Variants in SBF1 observed in about 807,000 individuals in gnomAD.
SBF1 encodes SET binding factor 1.
A neutral mutation model predicts 215.8 loss-of-function variants in SBF1; 65 were observed. That is an observed-to-expected ratio of 0.30 (90% CI 0.25 to 0.37). The LOEUF (loss-of-function observed/expected upper bound fraction) is 0.37, where lower values mean the gene tolerates loss of function less well. Ranked by LOEUF, SBF1 falls within the 10% of genes least tolerant of loss-of-function variation. The pLI is 1.00. For synonymous variants in SBF1, 1,410 were observed against 1,122.8 expected (o/e 1.26, Z -5.11); for missense variants, 2,634 against 2,667.8 (o/e 0.99, Z 0.28).
Position 50,454,500 on chromosome 22 carries a change from G to A in SBF1, c.5043+12C>T, listed in dbSNP as rs760112794. 57 of 1,604,372 alleles carry A rather than the reference G, an allele frequency of 3.6e-5. 1 individual carries two copies. Among genetic ancestry groups the A allele is most frequent in the Non-Finnish European group, 4.3e-5 (51 of 1,177,646 alleles). On this transcript the variant is annotated intron_variant, in intron 36 of 40. Transcript: ENST00000380817. Reference sequence around the variant, plus strand: ...GGTGCCAGGCCAGACCCTGCTCTGGGATCACACGCACCTCCAGCAGGCGTG... The same window carrying A: ...GGTGCCAGGCCAGACCCTGCTCTGGAATCACACGCACCTCCAGCAGGCGTG...
intron 17 of SBF1, 60 bp from the exon 18 acceptor site, chr22:50,462,777 G>C (rs1040495785): frequency 3.7e-6 from 6 of 1,608,884 alleles, no homozygotes; most frequent in Admixed American, 3.4e-5. Context: ...CTGGGAAGGA[G>C]ACCTCGGCCA....
In SBF1 at chr22:50,467,836, G is replaced by A. The variant is rs1170579090; in HGVS notation, c.229C>T (p.Arg77Cys). The change falls in exon 3 of 41, where the codon CGC becomes TGC. Residue 77 changes from arginine to cysteine, a missense_variant. Arg to Cys is a radical substitution (Grantham distance 180). Coordinates refer to ENST00000380817, the MANE Select transcript of SBF1 (RefSeq NM_002972.4). ...VAVLTDINSE[R>C]HYCACLTFWE... ...AAGGTCAAGCAGGCGCAGTAGTGGC[G>A]CTCGGAGTTGATGTCGGTGAGGACA... The A allele has an allele frequency of 1.2e-6, 2 of 1,613,964 alleles. No homozygotes were observed. The highest frequency in any genetic ancestry group is 1.1e-5 in the South Asian group (1 of 91,068).
chr22:50,456,458 C>T (rs2067252157), intron 30 of SBF1, 34 bp downstream of exon 30: 4 of 1,440,172 alleles, frequency 2.8e-6, no homozygotes, highest in African/African-American at 1.9e-5. Flanking sequence ...GCCGAGCCCC[C>T]ACCCTCACCC....
chr22:50,460,422 G>C lies in SBF1; in HGVS notation c.3147-14C>G, dbSNP rs2067456208. The C allele has an allele frequency of 1.9e-6, 3 of 1,606,556 alleles. No individual in the cohort carries two copies. ...CGGGACAGGGTTCTGAGGCCCACGA[G>C]AGTCAGCAAAGGTGAGAGGAGGAGG... On this transcript the variant is annotated splice_polypyrimidine_tract_variant and intron_variant, in intron 24 of 40. Coordinates refer to ENST00000380817, the MANE Select transcript of SBF1 (RefSeq NM_002972.4).
intron 7 of SBF1, 37 bp from the exon 8 acceptor site, chr22:50,466,295 C>T (rs377448638): frequency 1.4e-4 from 227 of 1,611,366 alleles, no homozygotes; most frequent in Admixed American, 2.0e-4. Flanking sequence ...AGCCAGGGGA[C>T]GCGGCTGGGC....
chr22:50,457,020 G>C lies in SBF1; in HGVS notation c.3904+14C>G. On this transcript the variant is annotated intron_variant, in intron 29 of 40. Transcript: ENST00000380817. ...AGTAAGGGGAGGCGGGCCTGCGCAGGCTCGGTACGGTACCTCGGGGTGCGG... is the reference window on the plus strand; with the variant it reads ...AGTAAGGGGAGGCGGGCCTGCGCAGCCTCGGTACGGTACCTCGGGGTGCGG... The C allele has an allele frequency of 7.0e-7, 1 of 1,421,434 alleles. No homozygotes were observed. Among genetic ancestry groups the C allele is most frequent in the Admixed American group, 3.4e-5 (1 of 29,510 alleles). 88.1% of individuals were successfully genotyped at this position (1,421,434 alleles called of 1,614,324 possible).
rs1042112117 is a variant in SBF1 at position 50,450,534 on chromosome 22, C to A, written c.5044-1884G>T. ...AGACTCTGCCTCAAAAAAAAAAAAA[C>A]AAAACTATGAGCTGAACCCAAATTC... On this transcript the variant is annotated intron_variant, in intron 36 of 40. Coordinates refer to ENST00000380817, the MANE Select transcript of SBF1 (RefSeq NM_002972.4). Among the ~76,000 whole-genome samples the A allele has an allele frequency of 1.3e-3, 196 of 149,300 alleles. 1 individual carries two copies. The highest frequency in any genetic ancestry group is 3.9e-3 in the African/African-American group (157 of 40,472).
intron 36 of SBF1, among the ~76,000 whole-genome samples, chr22:50,451,399 G>GA (rs1409942461): frequency 6.6e-6 from 1 of 151,972 alleles, no homozygotes; most frequent in East Asian, 1.9e-4. Context: ...AAACAAGAAA[G>GA]AAAAGAGTAG....
chr22:50,460,997 G>A (rs1569511928), intron 23 of SBF1, among the ~76,000 whole-genome samples, 162 bp downstream of exon 23: 1 of 152,238 alleles, frequency 6.6e-6, no homozygotes. Context: ...ATCAAACAGT[G>A]GACATCAACT....
At chr22:50,460,240 G>T in intron 25 of SBF1, 32 bp downstream of exon 25, 1 of 1,599,668 alleles carries the variant, frequency 6.3e-7, no homozygotes, top group Non-Finnish European at 8.5e-7. Context: ...AGCATCCAGA[G>T]ACCACCCAGG....
Position 50,467,308 on chromosome 22 carries a change from G to A in SBF1, c.549+30C>T, listed in dbSNP as rs750813284. ...GGCCCCAGCAGGAGGGCCTGTGGCTGTGCAGATACCAGCTGCCTCCAAAAC... is the reference window on the plus strand; with the variant it reads ...GGCCCCAGCAGGAGGGCCTGTGGCTATGCAGATACCAGCTGCCTCCAAAAC... On this transcript the variant is annotated intron_variant, in intron 5 of 40. Coordinates refer to ENST00000380817, the MANE Select transcript of SBF1 (RefSeq NM_002972.4). 2.0e-5 allele frequency: 32 copies of A among 1,575,718 alleles called. No individual in the cohort carries two copies. The African/African-American group carries it at 3.9e-4, about 19-fold the overall frequency.
intron 1 of SBF1, among the ~76,000 whole-genome samples, chr22:50,472,183 T>C (rs905979673): frequency 1.3e-5 from 2 of 152,152 alleles, no homozygotes; most frequent in African/African-American, 4.8e-5. Flanking sequence ...CTCTCTGAGG[T>C]GAAAGGGTCA....
chr22:50,464,774 G>C lies in SBF1; in HGVS notation c.1432-36C>G, dbSNP rs745361192. ...ACGGCAGGTGTGGGGCAGGGGCCCA[G>C]GGATCAAGGCGGTACGACGCCCTCC... On this transcript the variant is annotated intron_variant, in intron 13 of 40. Coordinates refer to ENST00000380817, the MANE Select transcript of SBF1 (RefSeq NM_002972.4). 6 of 1,610,614 alleles carry C rather than the reference G, an allele frequency of 3.7e-6. No homozygotes were observed. The South Asian group carries it at 5.5e-5, about 15-fold the overall frequency.
intron 15 of SBF1, among the ~76,000 whole-genome samples, chr22:50,463,803 C>T (rs1360182536): frequency 6.6e-6 from 1 of 152,212 alleles, no homozygotes; most frequent in African/African-American, 2.4e-5. Context: ...TCTATTGCTA[C>T]AACGTTCATC....
In SBF1 at chr22:50,467,844, T is replaced by G. The variant is rs1299347436; in HGVS notation, c.221A>C (p.Asn74Thr). 3 of 1,613,432 alleles carry G rather than the reference T, an allele frequency of 1.9e-6. No homozygotes were observed. In the South Asian group the frequency reaches 3.3e-5, roughly 18 times the overall value. Residue 74 changes from asparagine to threonine, a missense_variant, in exon 3 of 41, where the codon AAC (asparagine) becomes ACC (threonine). Transcript: ENST00000380817. The stretch of plus-strand genomic sequence containing the variant: ...GCAGGCGCAGTAGTGGCGCTCGGAG[T>G]TGATGTCGGTGAGGACAGCAACAAA... ...TFFVAVLTDI[N>T]SERHYCACLT...
In SBF1 at chr22:50,462,051, A is replaced by C. The variant is rs574079712; in HGVS notation, c.2465T>G (p.Val822Gly). The C allele has an allele frequency of 6.2e-7, 1 of 1,614,224 alleles. No individual in the cohort carries two copies. The part of the protein sequence containing the change: ...SGFEDAETCD[V>G]AGAVVRFINR... ...GATGAAGCGGACCACAGCCCCAGCT[A>C]CGTCGCAGGTCTCTGCATCCTCGAA... Residue 822 changes from valine (V) to glycine (G), a missense_variant, in exon 20 of 41, where the codon GTA (valine) becomes GGA (glycine). Coordinates refer to ENST00000380817, the MANE Select transcript of SBF1 (RefSeq NM_002972.4).
At position 50,456,242 on chromosome 22, in the gene SBF1, G is replaced by A; in HGVS notation, c.4240C>T (p.Leu1414=). 1.2e-6 allele frequency: 2 copies of A among 1,612,336 alleles called. No homozygotes were observed. Among genetic ancestry groups the A allele is most frequent in the Non-Finnish European group, 1.7e-6 (2 of 1,179,918 alleles). The change falls in exon 31 of 41, where the codon CTG becomes TTG. Residue 1414 remains leucine, a synonymous_variant. Transcript: ENST00000380817. ...TGGATCAGCCACTCTGAGTCCTCCA[G>A]TGAGCGCAGGAAGGAGGCTGGGCTG... ...EPSPASFLRS[L]EDSEWLIQIH...
In SBF1 at chr22:50,467,601, T is replaced by C. The variant is rs933549409; in HGVS notation, c.369A>G (p.Pro123=). ...QTHLSPTAPA[P]SAQLFAPKTL... ...TCTTCGGTGCAAACAGCTGGGCAGATGGGGCAGGTGCTGTGGGAGACAGGT... is the reference window on the plus strand; with the variant it reads ...TCTTCGGTGCAAACAGCTGGGCAGACGGGGCAGGTGCTGTGGGAGACAGGT... Residue 123 remains proline (P), a synonymous_variant, in exon 4 of 41, where the codon CCA becomes CCG. Transcript: ENST00000380817. 1 of 1,612,798 alleles carries C rather than the reference T, an allele frequency of 6.2e-7. No homozygotes were observed. Among genetic ancestry groups the C allele is most frequent in the East Asian group, 2.2e-5 (1 of 44,732 alleles).
At chr22:50,457,203 G>A (rs2067290300) in intron 28 of SBF1, 92 bp from the exon 29 acceptor site, 1 of 1,066,334 alleles carries the variant, frequency 9.4e-7, no homozygotes, top group Non-Finnish European at 1.3e-6. Context: ...GTTCCACCAA[G>A]CCCCCAGGGA....
Sources: allele counts gnomAD v4.1 joint callset (sites outside exome capture counted in the v4.1 genomes callset), GRCh38; gene constraint gnomAD v4.1.1; transcripts MANE v1.5; gene names NCBI Gene and HGNC (gene_info 2026-07-23, HGNC 2026-07-21).